The following SLC25A13 variants were observed in gnomAD, a reference collection of about 807,000 sequenced individuals.
SLC25A13 encodes electrogenic aspartate/glutamate antiporter SLC25A13, mitochondrial.
In SLC25A13, 70 loss-of-function variants were observed where a neutral mutation model predicts 85.5. The observed-to-expected ratio is 0.82, with a 90% CI of 0.68 to 1.00. SLC25A13 has a LOEUF of 1.00. Ranked by LOEUF, SLC25A13 falls within the 50% of genes least tolerant of loss-of-function variation. The pLI, the probability that SLC25A13 is intolerant of heterozygous loss-of-function variation, is 0.00. For synonymous variants in SLC25A13, 259 were observed against 288.7 expected (o/e 0.90, Z 1.04); for missense variants, 765 against 819.8 (o/e 0.93, Z 0.82).
intron 1 of SLC25A13, among the ~76,000 whole-genome samples, chr7:96,297,847 G>A (rs1799405254): frequency 6.6e-6 from 1 of 152,222 alleles, no homozygotes; most frequent in Admixed American, 6.5e-5. Flanking sequence ...ACAAGTGGCT[G>A]TGGTTATCTT....
At chr7:96,169,653 C>T (rs955266938) in intron 13 of SLC25A13, among the ~76,000 whole-genome samples, 6 of 152,146 alleles carry the variant, frequency 3.9e-5, no homozygotes, top group Admixed American at 6.6e-5. Flanking sequence ...CAGAGAGCTA[C>T]GGTTGCTGAC....
At chr7:96,183,704 G>A (rs1794507041) in intron 11 of SLC25A13, among the ~76,000 whole-genome samples, 1 of 152,092 alleles carries the variant, frequency 6.6e-6, no homozygotes, top group African/African-American at 2.4e-5. Flanking sequence ...AACCTTAGAT[G>A]GTTAAAGGAA....
rs779094783 is a variant in SLC25A13 at position 96,296,482 on chromosome 7, CT to C, written c.69+415del. Among the ~76,000 whole-genome samples, 634 of 145,024 alleles carry C rather than the reference CT, an allele frequency of 4.4e-3. 2 individuals carry two copies. Among genetic ancestry groups the C allele is most frequent in the African/African-American group, 0.01 (410 of 39,660 alleles). On this transcript the variant is annotated intron_variant, in intron 2 of 17. Transcript: ENST00000265631. Reference sequence around the variant, plus strand: ...CCCTCTTAAGACATGTTGGGATTTTCTTTTTTTTTTTTTTTCTTGAGACAGT... The same window carrying C: ...CCCTCTTAAGACATGTTGGGATTTTCTTTTTTTTTTTTTTCTTGAGACAGT...
intron 2 of SLC25A13, among the ~76,000 whole-genome samples, chr7:96,280,126 C>T (rs1281745381): frequency 6.6e-6 from 1 of 152,106 alleles, no homozygotes; most frequent in Non-Finnish European, 1.5e-5. Flanking sequence ...TCAATTGTCT[C>T]GTCTACTCTT....
intron 2 of SLC25A13, among the ~76,000 whole-genome samples, chr7:96,295,359 G>A (rs1167363889): frequency 2.0e-5 from 3 of 152,068 alleles, no homozygotes; most frequent in Non-Finnish European, 4.4e-5. Flanking sequence ...CAGAAAACAA[G>A]AAAAGAAAAG....
In SLC25A13 at chr7:96,188,992, T is replaced by C. The variant is rs1437347435; in HGVS notation, c.933+302A>G. On this transcript the variant is annotated intron_variant, in intron 9 of 17. Coordinates refer to ENST00000265631, the MANE Select transcript of SLC25A13 (RefSeq NM_014251.3). ...ACACGGGATTCTTTCGCTACATCTC[T>C]CAACATGAGACTTCAAGAAAGGAGA... Among the ~76,000 whole-genome samples the C allele has an allele frequency of 3.3e-5, 5 of 152,224 alleles. No homozygotes were observed. The East Asian group carries it at 9.6e-4, about 29-fold the overall frequency.
rs1309274595 is a variant in SLC25A13 at position 96,121,502 on chromosome 7, GT to G, written c.1842-126del. 2.9e-6 allele frequency: 4 copies of G among 1,377,506 alleles called. No homozygotes were observed. The African/African-American group carries it at 5.7e-5, about 20-fold the overall frequency. The allele number at this position is 1,377,506 out of a possible 1,614,324, so 85.3% of individuals were successfully genotyped here. On this transcript the variant is annotated intron_variant, in intron 17 of 17. Transcript: ENST00000265631. ...GTTGATACATTCTCATCAGTTGTAT[GT>G]TCCCCTTGGAAATGACCTTGTTAAC...
intron 3 of SLC25A13, among the ~76,000 whole-genome samples, chr7:96,239,065 A>ATATATATATATATATATATATG (rs1392985826): frequency 3.4e-4 from 45 of 132,030 alleles, no homozygotes; most frequent in African/African-American, 1.1e-3. Flanking sequence ...ATATATATAT[A>ATATATATATATATATATATATG]TATGTATGTA....
At chr7:96,198,866 G>C (rs1795156141) in intron 5 of SLC25A13, among the ~76,000 whole-genome samples, 1 of 152,160 alleles carries the variant, frequency 6.6e-6, no homozygotes, top group Admixed American at 6.5e-5. Flanking sequence ...ATACTTAAGG[G>C]GAAAGAGATG....
rs1312730580 is a variant in SLC25A13 at position 96,321,993 on chromosome 7, G to C, written c.-37C>G. The C allele has an allele frequency of 2.0e-6, 3 of 1,535,932 alleles. No individual in the cohort carries two copies. Among genetic ancestry groups the C allele is most frequent in the Non-Finnish European group, 2.6e-6 (3 of 1,141,870 alleles). On this transcript the variant is annotated 5_prime_UTR_variant, in exon 1 of 18. Coordinates refer to ENST00000265631, the MANE Select transcript of SLC25A13 (RefSeq NM_014251.3). ...GTTGCGGGCGACTGCGGGACCCACTGACTGGCTGGCTGGCGTTTGGGACCC... is the reference window on the plus strand; with the variant it reads ...GTTGCGGGCGACTGCGGGACCCACTCACTGGCTGGCTGGCGTTTGGGACCC...
At chr7:96,223,939 T>C (rs749911292) in intron 4 of SLC25A13, among the ~76,000 whole-genome samples, 5 of 152,114 alleles carry the variant, frequency 3.3e-5, no homozygotes, top group African/African-American at 4.8e-5. Context: ...ATCACTGGTA[T>C]ATATGCCAAA....
At chr7:96,185,695 C>T (rs968042416) in intron 9 of SLC25A13, among the ~76,000 whole-genome samples, 2 of 151,886 alleles carry the variant, frequency 1.3e-5, no homozygotes, top group African/African-American at 4.8e-5. Flanking sequence ...TTGAGACCAT[C>T]CTGGCTAACA....
intron 11 of SLC25A13, among the ~76,000 whole-genome samples, chr7:96,179,077 G>T (rs547637297): frequency 1.3e-5 from 2 of 152,298 alleles, no homozygotes; most frequent in African/African-American, 4.8e-5. Context: ...GAGACAAAGT[G>T]TTAAAACATA....
chr7:96,288,048 A>G (rs1366750513), intron 2 of SLC25A13, among the ~76,000 whole-genome samples: 2 of 152,100 alleles, frequency 1.3e-5, no homozygotes, highest in African/African-American at 2.4e-5. Context: ...AACATGCACA[A>G]CCATAGAGAT....
intron 4 of SLC25A13, among the ~76,000 whole-genome samples, chr7:96,225,845 T>G (rs1022968503): frequency 2.0e-5 from 3 of 152,210 alleles, no homozygotes; most frequent in African/African-American, 7.2e-5. Context: ...TTTTTGTATT[T>G]GTTTATAGTC....
chr7:96,170,236 G>A (rs1793943058), intron 12 of SLC25A13, 111 bp from the exon 13 acceptor site: 3 of 939,340 alleles, frequency 3.2e-6, no homozygotes, highest in Non-Finnish European at 5.1e-6. Context: ...GTCTATTGGA[G>A]TAATCATAAA....
In SLC25A13 at chr7:96,193,191, TAAAG is replaced by T. The variant is rs764206985; in HGVS notation, c.469-12_469-9del. ...GTGCTCCAGTTGTATTTCCTACAAATAAAGAAAGTAAAATACTTAATTTATGCTT... is the reference window on the plus strand; with the variant it reads ...GTGCTCCAGTTGTATTTCCTACAAATAAAGTAAAATACTTAATTTATGCTT... On this transcript the variant is annotated splice_polypyrimidine_tract_variant and intron_variant, in intron 5 of 17. Transcript: ENST00000265631. 1.5e-5 allele frequency: 24 copies of T among 1,613,890 alleles called. No individual in the cohort carries two copies. Among genetic ancestry groups the T allele is most frequent in the Non-Finnish European group, 4.2e-6 (5 of 1,179,912 alleles).
intron 14 of SLC25A13, among the ~76,000 whole-genome samples, chr7:96,139,047 T>C (rs1792413185): frequency 6.6e-6 from 1 of 152,146 alleles, no homozygotes; most frequent in East Asian, 1.9e-4. Context: ...CACTCAATAA[T>C]GAAAAGTTGA....
intron 14 of SLC25A13, among the ~76,000 whole-genome samples, chr7:96,138,073 T>C (rs1490691208): frequency 6.6e-6 from 1 of 152,200 alleles, no homozygotes; most frequent in Non-Finnish European, 1.5e-5. Flanking sequence ...GGTGACACAC[T>C]TTCTGAGTTT....
Sources: allele counts gnomAD v4.1 joint callset (sites outside exome capture counted in the v4.1 genomes callset), GRCh38; gene constraint gnomAD v4.1.1; transcripts MANE v1.5; gene names NCBI Gene and HGNC (gene_info 2026-07-23, HGNC 2026-07-21).